The following BFSP1 variants were observed in gnomAD, a reference collection of about 807,000 sequenced individuals.
The protein encoded by BFSP1 is beaded filament structural protein 1, also known as filensin.
In BFSP1, 38 loss-of-function variants were observed where a neutral mutation model predicts 43.9. That is an observed-to-expected ratio of 0.87 (90% CI 0.67 to 1.14). BFSP1 has a LOEUF of 1.14. BFSP1 is among the 50% of genes most tolerant of loss of function. The pLI is 0.00. For missense variants in BFSP1, 850 were observed against 875.1 expected (o/e 0.97, Z 0.36); for synonymous variants, 352 against 354.8 (o/e 0.99, Z 0.09).
chr20:17,510,561 C>G (rs972645782), intron 4 of BFSP1, among the ~76,000 whole-genome samples: 1 of 152,194 alleles, frequency 6.6e-6, no homozygotes. Context: ...AAAAAAGTAA[C>G]TTTCCTGTCG....
intron 4 of BFSP1, among the ~76,000 whole-genome samples, chr20:17,509,248 A>ACCCCCC (rs1488015295): frequency 4.0e-4 from 27 of 67,166 alleles, no homozygotes; most frequent in African/African-American, 1.1e-3. Flanking sequence ...CAGAGCCCCC[A>ACCCCCC]CCCCCACCCC....
At chr20:17,566,196 G>A (rs1158147515) in intron 1 of BFSP1, among the ~76,000 whole-genome samples, 1 of 151,890 alleles carries the variant, frequency 6.6e-6, no homozygotes, top group Non-Finnish European at 1.5e-5. Flanking sequence ...TGTGGAGAGG[G>A]AGGAGTTAAA....
intron 1 of BFSP1, among the ~76,000 whole-genome samples, chr20:17,529,986 A>T (rs1305450769): frequency 6.6e-6 from 1 of 152,230 alleles, no homozygotes; most frequent in Non-Finnish European, 1.5e-5. Flanking sequence ...TGATTTTAAC[A>T]CATTACTCAA....
chr20:17,508,736 T>C (rs2034002250), intron 5 of BFSP1, among the ~76,000 whole-genome samples, 153 bp downstream of exon 5: 1 of 152,216 alleles, frequency 6.6e-6, no homozygotes. Context: ...AGCAGAGCGC[T>C]TGGCCACCCA....
chr20:17,497,631 T>C (rs62202670), intron 6 of BFSP1, among the ~76,000 whole-genome samples: 21,794 of 137,172 alleles, frequency 0.16, 1,945 homozygotes, highest in Middle Eastern at 0.22. Flanking sequence ...TACACACACA[T>C]ATATACATAT....
At chr20:17,528,463 A>G (rs781010179) in intron 1 of BFSP1, among the ~76,000 whole-genome samples, 1 of 152,212 alleles carries the variant, frequency 6.6e-6, no homozygotes, top group African/African-American at 2.4e-5. Flanking sequence ...TGGTCCATCA[A>G]GCTGCCCCGG....
Position 17,511,672 on chromosome 20 carries a change from G to T in BFSP1, c.627+304C>A, listed in dbSNP as rs758717946. Among the ~76,000 whole-genome samples, 11 of 152,314 alleles carry T rather than the reference G, an allele frequency of 7.2e-5. No homozygotes were observed. In the South Asian group the frequency reaches 2.3e-3, roughly 32 times the overall value. ...GGTGGAGATGCAACAATGGCACATC[G>T]CTTTGGAAAGCAGCTTGGTCATTTC... On this transcript the variant is annotated intron_variant, in intron 4 of 7. Coordinates refer to ENST00000377873, the MANE Select transcript of BFSP1 (RefSeq NM_001195.5).
intron 5 of BFSP1, among the ~76,000 whole-genome samples, chr20:17,503,767 C>T (rs1406888895): frequency 1.3e-5 from 2 of 152,302 alleles, no homozygotes; most frequent in African/African-American, 2.4e-5. Context: ...TCTCCAGGGC[C>T]CCTGCAAACT....
In BFSP1 at chr20:17,494,793, C is replaced by G. The variant is rs140753786; in HGVS notation, c.1279G>C (p.Ala427Pro). The G allele has an allele frequency of 7.4e-6, 12 of 1,614,190 alleles. No individual in the cohort carries two copies. In the African/African-American group the frequency reaches 1.6e-4, roughly 22 times the overall value. The part of the protein sequence containing the change: ...KEVSPLTQEG[A>P]PEDVPDGGQI... ...CCTCCATCTGGCACATCCTCTGGAG[C>G]CCCTTCTTGTGTCAGGGGACTTACT... Residue 427 changes from alanine to proline, a missense_variant, in exon 8 of 8, where the codon GCT becomes CCT. Physicochemically the swap from Ala to Pro is conservative, Grantham distance 27. Transcript: ENST00000377873.
At chr20:17,518,490 A>G (rs1377637660) in intron 2 of BFSP1, among the ~76,000 whole-genome samples, 1 of 152,174 alleles carries the variant, frequency 6.6e-6, no homozygotes, top group Admixed American at 6.5e-5. Flanking sequence ...GCCCGGGGCG[A>G]TCAGACCCAG....
At chr20:17,516,097 A>G (rs6044857) in intron 2 of BFSP1, among the ~76,000 whole-genome samples, 76,428 of 151,888 alleles carry the variant, frequency 0.5, 20,741 homozygotes, top group African/African-American at 0.72. Context: ...GGGAGGCTGA[A>G]GCAGGTGGAT....
intron 5 of BFSP1, among the ~76,000 whole-genome samples, chr20:17,501,865 G>A (rs993273335): frequency 6.6e-6 from 1 of 152,192 alleles, no homozygotes; most frequent in Non-Finnish European, 1.5e-5. Flanking sequence ...ATCTGGAAAG[G>A]GGTCTCAGAA....
At chr20:17,512,121 C>CT in intron 3 of BFSP1, 53 bp from the exon 4 acceptor site, 1 of 1,449,200 alleles carries the variant, frequency 6.9e-7, no homozygotes. Context: ...GCTGGTTTTT[C>CT]CTTCTAGTAC....
At chr20:17,545,120 A>G (rs563309409) in intron 1 of BFSP1, among the ~76,000 whole-genome samples, 18 of 152,370 alleles carry the variant, frequency 1.2e-4, no homozygotes, top group Middle Eastern at 3.4e-3. Context: ...CGAGGCTTCA[A>G]TGGAGCTTAT....
intron 1 of BFSP1, among the ~76,000 whole-genome samples, chr20:17,556,560 T>G (rs2034993418): frequency 6.6e-6 from 1 of 152,132 alleles, no homozygotes; most frequent in Non-Finnish European, 1.5e-5. Context: ...TATCTATTAC[T>G]ATCTATTGAT....
At chr20:17,542,427 CA>C (rs3076281) in intron 1 of BFSP1, among the ~76,000 whole-genome samples, 15,872 of 114,712 alleles carry the variant, frequency 0.14, 948 homozygotes, top group East Asian at 0.34. Context: ...TCATCTCTAC[CA>C]AAAAAAAAAA....
chr20:17,559,067 T>C (rs1200483980), upstream of BFSP1: 3 of 203,580 alleles, frequency 1.5e-5, no homozygotes, highest in Non-Finnish European at 3.0e-5. Context: ...GCAGGACCAA[T>C]TGCAAGATGT....
chr20:17,504,090 G>A (rs1308367265), intron 5 of BFSP1, among the ~76,000 whole-genome samples: 1 of 152,110 alleles, frequency 6.6e-6, no homozygotes, highest in Non-Finnish European at 1.5e-5. Context: ...GTTTGAAGAA[G>A]GCTGCATGTT....
Position 17,551,402 on chromosome 20 carries a change from G to A in BFSP1, c.2+7286C>T, listed in dbSNP as rs116547415. On this transcript the variant is annotated intron_variant, in intron 1 of 7. Transcript: ENST00000377868. ...ACAAAGACAGCACCAGGGAGAAGGC[G>A]CTAAGCCGTTTATGAGTGATCCACA... is the stretch of plus-strand genomic sequence containing the variant. Among the ~76,000 whole-genome samples, 763 of 152,158 alleles carry A rather than the reference G, an allele frequency of 5.0e-3. 2 individuals carry two copies. The highest frequency in any genetic ancestry group is 0.018 in the African/African-American group (732 of 41,496).
Sources: gnomAD v4.1 joint callset for allele counts (sites outside exome capture counted in the v4.1 genomes callset) on GRCh38, gnomAD v4.1.1 for gene constraint, MANE v1.5 for transcripts, NCBI Gene and HGNC (gene_info 2026-07-23, HGNC 2026-07-21) for gene names.